Variants in B3GALT5 observed in about 807,000 individuals in gnomAD.
The protein encoded by B3GALT5 is UDP-Gal:betaGlcNAc beta 1,3-galactosyltransferase, polypeptide 5.
For missense variants in B3GALT5, 328 were observed against 396.6 expected (o/e 0.83, Z 1.47); for synonymous variants, 156 against 158.6 (o/e 0.98, Z 0.12).
intron 2 of B3GALT5, chr21:39,657,606 C>T (rs2079458809): frequency 6.7e-6 from 2 of 296,964 alleles, no homozygotes; most frequent in Admixed American, 5.2e-5. Flanking sequence ...CACGGTATTT[C>T]CCAACCTCCG....
intron 1 of B3GALT5, among the ~76,000 whole-genome samples, chr21:39,621,812 G>A (rs2079135940): frequency 6.6e-6 from 1 of 151,734 alleles, no homozygotes; most frequent in African/African-American, 2.4e-5. Context: ...TTAAATCTTG[G>A]TAAAGTTTTA....
At position 39,671,281 on chromosome 21, in the gene B3GALT5, CAT is replaced by C. The variant is rs2079625420; in HGVS notation, c.*9790_*9791del. ...GCAGGAATTATTTGCTTTCTCATAA[CAT>C]TTTTTTAATTAATTAATTTTCAGCG... On this transcript the variant is annotated 3_prime_UTR_variant, in exon 4 of 4. Transcript: ENST00000684187. 1 of 152,202 alleles carries C rather than the reference CAT, an allele frequency of 6.6e-6. No homozygotes were observed. Among genetic ancestry groups the C allele is most frequent in the Admixed American group, 6.5e-5 (1 of 15,280 alleles). The allele number at this position is 152,202 out of a possible 1,614,324, so 9.4% of individuals were successfully genotyped here. A position where few individuals can be genotyped will look rare whatever the true frequency, so the allele number is the denominator to read the frequency against.
intron 2 of B3GALT5, among the ~76,000 whole-genome samples, chr21:39,649,250 A>AT (rs1386597074): frequency 6.6e-6 from 1 of 152,138 alleles, no homozygotes; most frequent in Non-Finnish European, 1.5e-5. Context: ...GGGCCCCCTG[A>AT]TGTGCTTGGC....
At chr21:39,639,541 G>A (rs534569202) in intron 1 of B3GALT5, among the ~76,000 whole-genome samples, 180 of 147,430 alleles carry the variant, frequency 1.2e-3, no homozygotes, top group African/African-American at 4.3e-3. Flanking sequence ...GTGCAGTGGC[G>A]CGATCTCTGC....
chr21:39,669,340 A>G lies in B3GALT5; in HGVS notation c.*7848A>G, dbSNP rs889687914. The G allele has an allele frequency of 3.3e-5, 5 of 152,168 alleles. No individual in the cohort carries two copies. Among genetic ancestry groups the G allele is most frequent in the African/African-American group, 1.2e-4 (5 of 41,426 alleles). The allele number at this position is 152,168 out of a possible 1,614,324, so 9.4% of individuals were successfully genotyped here. A position where few individuals can be genotyped will look rare whatever the true frequency, so the allele number is the denominator to read the frequency against. ...CTCAGAAAAATGGAGTGACTTTGCC[A>G]GGTCCTTCAGCGAGTGGCACATCCA... On this transcript the variant is annotated 3_prime_UTR_variant, in exon 4 of 4. Transcript: ENST00000684187.
intron 2 of B3GALT5, among the ~76,000 whole-genome samples, chr21:39,657,016 T>TAC (rs2079452047): frequency 6.6e-6 from 1 of 152,182 alleles, no homozygotes; most frequent in South Asian, 2.1e-4. Context: ...GCAGATGGGA[T>TAC]ACACTCAGAG....
intron 1 of B3GALT5, among the ~76,000 whole-genome samples, chr21:39,618,016 G>A (rs1367318236): frequency 6.6e-6 from 1 of 151,846 alleles, no homozygotes; most frequent in Non-Finnish European, 1.5e-5. Context: ...TACCCCAAGC[G>A]TGGTGGCATG....
intron 1 of B3GALT5, among the ~76,000 whole-genome samples, chr21:39,625,258 A>G (rs2079157821): frequency 6.6e-6 from 1 of 152,168 alleles, no homozygotes; most frequent in Non-Finnish European, 1.5e-5. Flanking sequence ...GATGATGCTA[A>G]ATGGTTAGTG....
At chr21:39,627,703 A>C (rs908660203) in intron 1 of B3GALT5, among the ~76,000 whole-genome samples, 30 of 151,622 alleles carry the variant, frequency 2.0e-4, no homozygotes, top group African/African-American at 5.6e-4. Flanking sequence ...TTATTTATTC[A>C]TTTATTACTT....
rs372680072 is a variant in B3GALT5, at chr21:39,621,395, AT to A, written c.-392+8329del. 3.9e-4 allele frequency among the ~76,000 whole-genome samples: 59 copies of A among 151,622 alleles called. No homozygotes were observed. The East Asian group carries it at 9.1e-3, about 23-fold the overall frequency. On this transcript the variant is annotated intron_variant, in intron 1 of 3. Transcript: ENST00000684187. ...TTTGTATTCAAAAGAGATATTGTTC[AT>A]AATTTTCTTTTCTTTTACTATCCTT... is the stretch of plus-strand genomic sequence containing the variant.
chr21:39,644,975 G>A (rs922127520), intron 1 of B3GALT5, among the ~76,000 whole-genome samples: 2 of 152,110 alleles, frequency 1.3e-5, no homozygotes, highest in African/African-American at 4.8e-5. Context: ...GGGGTGGGTT[G>A]TGTTGTCAGA....
chr21:39,627,974 G>T (rs868748058), intron 1 of B3GALT5, among the ~76,000 whole-genome samples: 48 of 152,124 alleles, frequency 3.2e-4, no homozygotes, highest in African/African-American at 1.1e-3. Flanking sequence ...GAAATGATAG[G>T]CATTTATACT....
At chr21:39,650,073 T>C (rs1203383708) in intron 2 of B3GALT5, among the ~76,000 whole-genome samples, 2 of 152,130 alleles carry the variant, frequency 1.3e-5, no homozygotes, top group African/African-American at 4.8e-5. Context: ...CCCCAGCACC[T>C]GGACCCCTGC....
intron 1 of B3GALT5, among the ~76,000 whole-genome samples, chr21:39,635,076 C>T (rs1367020914): frequency 6.6e-6 from 1 of 152,174 alleles, no homozygotes; most frequent in Non-Finnish European, 1.5e-5. Context: ...AGCCCACCAT[C>T]CAAAAGACAT....
At chr21:39,637,791 C>G (rs1289161485) in intron 1 of B3GALT5, among the ~76,000 whole-genome samples, 1 of 152,200 alleles carries the variant, frequency 6.6e-6, no homozygotes, top group Non-Finnish European at 1.5e-5. Context: ...CAAGTCTTCT[C>G]TTAAGGTGTC....
intron 2 of B3GALT5, among the ~76,000 whole-genome samples, chr21:39,648,105 T>C (rs2079358888): frequency 6.6e-6 from 1 of 152,206 alleles, no homozygotes; most frequent in Non-Finnish European, 1.5e-5. Flanking sequence ...TAAAAAAAAG[T>C]CCATTGTAGA....
rs1186369874 is a variant in B3GALT5, at chr21:39,662,867, A to G, written c.*1375A>G. 1.2e-5 allele frequency: 2 copies of G among 166,782 alleles called. No individual in the cohort carries two copies. The highest frequency in any genetic ancestry group is 2.4e-5 in the African/African-American group (1 of 41,452). The allele number at this position is 166,782 out of a possible 1,614,324, so 10.3% of individuals were successfully genotyped here. On this transcript the variant is annotated 3_prime_UTR_variant, in exon 4 of 4. Transcript: ENST00000684187. The stretch of plus-strand genomic sequence containing the variant: ...GAGGCCTCACATGGCTGTGTCACAT[A>G]TAAATGTTGGACTAAACTCTTACTT...
chr21:39,624,343 G>T (rs1354009273), intron 1 of B3GALT5, among the ~76,000 whole-genome samples: 1 of 152,128 alleles, frequency 6.6e-6, no homozygotes, highest in Non-Finnish European at 1.5e-5. Context: ...TATATTTTTG[G>T]CCAATTTGAA....
chr21:39,654,549 C>T lies in B3GALT5; in HGVS notation c.-160-5204C>T, dbSNP rs189446239. Among the ~76,000 whole-genome samples the T allele has an allele frequency of 4.2e-4, 64 of 152,346 alleles. 1 individual carries two copies. Among genetic ancestry groups the T allele is most frequent in the Admixed American group, 1.7e-3 (26 of 15,306 alleles). On this transcript the variant is annotated intron_variant, in intron 2 of 3. Coordinates refer to ENST00000684187, the MANE Select transcript of B3GALT5 (RefSeq NM_001356336.2). ...TAGTTGATGAAGCAGTAGCAGGATT[C>T]GAGAGGATCGATTCCAATTTCAAAA...
Sources: gnomAD v4.1 joint callset for allele counts (sites outside exome capture counted in the v4.1 genomes callset) on GRCh38, gnomAD v4.1.1 for gene constraint, MANE v1.5 for transcripts, NCBI Gene and HGNC (gene_info 2026-07-23, HGNC 2026-07-21) for gene names.